RPS6KC1: variants seen among roughly 807,000 people sequenced by gnomAD.
RPS6KC1 encodes the protein ribosomal protein S6 kinase C1.
RPS6KC1 carries 54 observed loss-of-function variants against 103.8 expected under a neutral mutation model. That is an observed-to-expected ratio of 0.52 (90% CI 0.42 to 0.65). The LOEUF is 0.65. RPS6KC1 is among the 30% of genes least tolerant of loss of function. The pLI is 0.00. For missense variants in RPS6KC1, 1,151 were observed against 1,253.8 expected (o/e 0.92, Z 1.24); for synonymous variants, 439 against 438.7 (o/e 1.00, Z -0.01).
chr1:213,813,477 T>A, the RPS6KC1 span, among the ~76,000 whole-genome samples: 248 of 152,138 alleles, frequency 1.6e-3, 1 homozygote, highest in Middle Eastern at 3.4e-3. Context: ...GTAGTCAGGT[T>A]AACATGAAAT....
chr1:213,686,505 C>T, the RPS6KC1 span, among the ~76,000 whole-genome samples: 1 of 152,116 alleles, frequency 6.6e-6, no homozygotes, highest in African/African-American at 2.4e-5. Context: ...AAGTGAATGT[C>T]TAAACTTGCC....
the RPS6KC1 span, among the ~76,000 whole-genome samples, chr1:213,470,847 A>T: frequency 6.6e-6 from 1 of 150,932 alleles, no homozygotes; most frequent in African/African-American, 2.4e-5. Flanking sequence ...TTGGTCTTCA[A>T]CTCTTGGCCT....
the RPS6KC1 span, among the ~76,000 whole-genome samples, chr1:213,781,617 A>G: frequency 6.6e-6 from 1 of 152,178 alleles, no homozygotes; most frequent in South Asian, 2.1e-4. Flanking sequence ...ATGTGATGAA[A>G]TTGTCAATTG....
chr1:213,528,066 A>C, the RPS6KC1 span, among the ~76,000 whole-genome samples: 2 of 152,142 alleles, frequency 1.3e-5, no homozygotes, highest in African/African-American at 4.8e-5. Context: ...GGGCAGAGGC[A>C]AAAGAAAATC....
At chr1:213,349,996 G>A in the RPS6KC1 span, among the ~76,000 whole-genome samples, 1 of 152,100 alleles carries the variant, frequency 6.6e-6, no homozygotes, top group Admixed American at 6.5e-5. Context: ...GACCACCACT[G>A]GGTGGTCTGA....
the RPS6KC1 span, among the ~76,000 whole-genome samples, chr1:213,757,625 A>T: frequency 6.6e-6 from 1 of 152,272 alleles, no homozygotes; most frequent in African/African-American, 2.4e-5. Context: ...TGGAAGCTGC[A>T]GCAAGATCTT....
the RPS6KC1 span, among the ~76,000 whole-genome samples, chr1:213,722,511 A>G: frequency 1.3e-5 from 2 of 152,110 alleles, no homozygotes; most frequent in African/African-American, 4.8e-5. Context: ...TTACTATGGC[A>G]TCTTTTAGCC....
chr1:213,114,537 A>G (rs1429932587), intron 4 of RPS6KC1, among the ~76,000 whole-genome samples: 2 of 151,970 alleles, frequency 1.3e-5, no homozygotes, highest in Non-Finnish European at 1.5e-5. Context: ...TCCTCATTGA[A>G]TACCCTTTAT....
chr1:213,782,298 T>A, the RPS6KC1 span, among the ~76,000 whole-genome samples: 1 of 152,094 alleles, frequency 6.6e-6, no homozygotes, highest in Non-Finnish European at 1.5e-5. Context: ...CACATTCCCA[T>A]GAGCTCAAAC....
intron 4 of RPS6KC1, among the ~76,000 whole-genome samples, chr1:213,109,085 C>T (rs895097489): frequency 6.6e-6 from 1 of 152,060 alleles, no homozygotes; most frequent in African/African-American, 2.4e-5. Context: ...GTCATTTTAA[C>T]AATATTATCT....
intron 12 of RPS6KC1, among the ~76,000 whole-genome samples, chr1:213,255,422 T>A (rs2094619675): frequency 6.6e-6 from 1 of 152,188 alleles, no homozygotes; most frequent in Admixed American, 6.5e-5. Context: ...TCAAATTCAC[T>A]GTGTTAGTCT....
chr1:213,801,413 A>T, the RPS6KC1 span, among the ~76,000 whole-genome samples: 5 of 152,174 alleles, frequency 3.3e-5, no homozygotes, highest in Non-Finnish European at 7.3e-5. Context: ...TAAATTTATG[A>T]TTACTTGGAG....
chr1:213,411,543 C>T, the RPS6KC1 span, among the ~76,000 whole-genome samples: 1 of 152,212 alleles, frequency 6.6e-6, no homozygotes, highest in Admixed American at 6.5e-5. Flanking sequence ...TGACCTTGGC[C>T]AACATCATTG....
At chr1:213,506,221 C>T in the RPS6KC1 span, among the ~76,000 whole-genome samples, 1 of 152,060 alleles carries the variant, frequency 6.6e-6, no homozygotes, top group Non-Finnish European at 1.5e-5. Flanking sequence ...ACTTTTGTAC[C>T]TGGTTTTGAA....
At chr1:213,078,499 T>A (rs997833122) in intron 3 of RPS6KC1, among the ~76,000 whole-genome samples, 8 of 152,280 alleles carry the variant, frequency 5.3e-5, no homozygotes, top group Non-Finnish European at 1.2e-4. Flanking sequence ...CCTCCTGGGT[T>A]CAAGTGATTC....
the RPS6KC1 span, among the ~76,000 whole-genome samples, chr1:213,548,831 A>C: frequency 4.6e-5 from 7 of 152,314 alleles, 1 homozygote; most frequent in African/African-American, 1.7e-4. Context: ...AACTGTACAT[A>C]TATGCTTTAT....
chr1:213,392,483 G>C, the RPS6KC1 span, among the ~76,000 whole-genome samples: 2 of 152,194 alleles, frequency 1.3e-5, no homozygotes, highest in African/African-American at 4.8e-5. Flanking sequence ...CTTAAGGGTA[G>C]ATTACAGGAA....
At chr1:213,680,272 A>C in the RPS6KC1 span, among the ~76,000 whole-genome samples, 1 of 152,196 alleles carries the variant, frequency 6.6e-6, no homozygotes, top group Non-Finnish European at 1.5e-5. Context: ...GCAGACTCAA[A>C]GGGCTGGATT....
chr1:213,538,956 ATAT>A, the RPS6KC1 span, among the ~76,000 whole-genome samples: 2 of 152,190 alleles, frequency 1.3e-5, no homozygotes, highest in Non-Finnish European at 2.9e-5. Context: ...GCCAGGACAG[ATAT>A]TATTATCCCC....
Sources: gnomAD v4.1 joint callset for allele counts (sites outside exome capture counted in the v4.1 genomes callset) on GRCh38, gnomAD v4.1.1 for gene constraint, MANE v1.5 for transcripts, NCBI Gene and HGNC (gene_info 2026-07-23, HGNC 2026-07-21) for gene names.